HOGA1: variants seen among roughly 807,000 people sequenced by gnomAD.
HOGA1 encodes the protein 4-hydroxy-2-oxoglutarate aldolase 1, also known as 4-hydroxy-2-oxoglutarate aldolase, mitochondrial.
A neutral mutation model predicts 34.3 loss-of-function variants in HOGA1; 30 were observed. The ratio of observed to expected loss-of-function variants is 0.87; its 90% CI spans 0.65 to 1.19. The LOEUF is 1.19. Ranked by LOEUF, HOGA1 falls within the 50% of genes most tolerant of loss-of-function variation. HOGA1 has a pLI of 0.00. For missense variants in HOGA1, 417 were observed against 436.5 expected (o/e 0.96, Z 0.40); for synonymous variants, 161 against 174.0 (o/e 0.93, Z 0.59).
intron 1 of HOGA1, among the ~76,000 whole-genome samples, chr10:97,596,583 G>C (rs909629300): frequency 3.3e-5 from 5 of 152,116 alleles, no homozygotes; most frequent in African/African-American, 1.2e-4. Context: ...CAAGACACAG[G>C]GAGGCCCTTC....
chr10:97,606,128 C>CAAAA (rs60230634), intron 6 of HOGA1, among the ~76,000 whole-genome samples: 25 of 95,200 alleles, frequency 2.6e-4, no homozygotes, highest in African/African-American at 7.0e-4. Flanking sequence ...ACTAAAAATA[C>CAAAA]AAAAAAAAAA....
chr10:97,590,593 C>G, intron 1 of HOGA1: 3 of 1,601,308 alleles, frequency 1.9e-6, no homozygotes, highest in Non-Finnish European at 2.6e-6. Flanking sequence ...TGGAAGCCAC[C>G]TAACCATGGA....
At position 97,593,971 on chromosome 10, in the gene HOGA1, C is replaced by T. The variant is rs796297303; in HGVS notation, c.212-4804C>T. ...GTAACCTCTGCCTCCCGGGTTCAAG[C>T]GATTCTCCTGCCTCAGCCTCCCGAA... is the stretch of plus-strand genomic sequence containing the variant. On this transcript the variant is annotated intron_variant, in intron 1 of 6. Transcript: ENST00000370646. Among the ~76,000 whole-genome samples the T allele has an allele frequency of 2.7e-4, 41 of 152,082 alleles. 2 individuals are homozygous for T. The highest frequency in any genetic ancestry group is 1.4e-3 in the Admixed American group (22 of 15,272).
intron 6 of HOGA1, among the ~76,000 whole-genome samples, chr10:97,609,567 T>C (rs886833981): frequency 2.0e-5 from 3 of 151,980 alleles, no homozygotes; most frequent in Non-Finnish European, 4.4e-5. Flanking sequence ...CGAGAACAGC[T>C]TGATGTCACT....
chr10:97,595,770 T>C (rs1046098483), intron 1 of HOGA1, among the ~76,000 whole-genome samples: 8 of 152,238 alleles, frequency 5.3e-5, no homozygotes, highest in African/African-American at 2.4e-5. Flanking sequence ...CCTGGGCTTC[T>C]CTGACTTCAG....
intron 4 of HOGA1, 118 bp from the exon 5 acceptor site, chr10:97,599,949 C>G (rs1182499267): frequency 6.6e-7 from 1 of 1,507,452 alleles, no homozygotes; most frequent in African/African-American, 1.4e-5. Flanking sequence ...TGCGGGCTCT[C>G]TGGGACTTTC....
At chr10:97,590,362 A>G (rs2041010450) in intron 1 of HOGA1, 2 of 1,614,060 alleles carry the variant, frequency 1.2e-6, no homozygotes, top group Non-Finnish European at 1.7e-6. Flanking sequence ...ACCAGCACTC[A>G]GGTCACCTAG....
At chr10:97,609,782 C>A (rs1357308104) in intron 6 of HOGA1, among the ~76,000 whole-genome samples, 1 of 152,192 alleles carries the variant, frequency 6.6e-6, no homozygotes, top group African/African-American at 2.4e-5. Flanking sequence ...CATCCTGTAT[C>A]CTGGGTCTTT....
chr10:97,590,035 G>A (rs998788384), intron 1 of HOGA1: 2 of 1,614,052 alleles, frequency 1.2e-6, no homozygotes, highest in African/African-American at 2.7e-5. Flanking sequence ...CCGAAGAGAA[G>A]CTGGCCCTCG....
At chr10:97,608,532 C>T (rs999732724) in intron 6 of HOGA1, among the ~76,000 whole-genome samples, 2 of 151,958 alleles carry the variant, frequency 1.3e-5, no homozygotes, top group Admixed American at 6.6e-5. Flanking sequence ...TGGCTGGGCA[C>T]GGTGGCTCAC....
chr10:97,602,051 GAGC>G, intron 6 of HOGA1, 61 bp downstream of exon 6: 1 of 1,568,530 alleles, frequency 6.4e-7, no homozygotes, highest in African/African-American at 1.3e-5. Context: ...GTCCTCATTG[GAGC>G]AGGACCCAGG....
Position 97,611,900 on chromosome 10 carries a change from G to T in HOGA1, c.*241G>T. On this transcript the variant is annotated 3_prime_UTR_variant, in exon 7 of 7. Transcript: ENST00000370646. Reference sequence around the variant, plus strand: ...AACTGTGTCTCTGGTCTGAAGACTGGGAAGGAGCAATTTCTCAATTTATCT... The same window carrying T: ...AACTGTGTCTCTGGTCTGAAGACTGTGAAGGAGCAATTTCTCAATTTATCT... 1.8e-6 allele frequency: 1 copy of T among 558,544 alleles called. No individual in the cohort carries two copies. 34.6% of individuals were successfully genotyped at this position (558,544 alleles called of 1,614,324 possible).
intron 1 of HOGA1, 71 bp from the exon 2 acceptor site, chr10:97,598,704 A>G: frequency 6.3e-7 from 1 of 1,576,902 alleles, no homozygotes; most frequent in East Asian, 2.2e-5. Flanking sequence ...TGGTGTCGTA[A>G]GGTAGGAACA....
rs58601489 is a variant in HOGA1 at position 97,603,126 on chromosome 10, C to G, written c.834+1136C>G. Among the ~76,000 whole-genome samples, 2,492 of 152,212 alleles carry G rather than the reference C, an allele frequency of 0.016. 60 individuals carry two copies. Among genetic ancestry groups the G allele is most frequent in the African/African-American group, 0.056 (2,327 of 41,514 alleles). On this transcript the variant is annotated intron_variant, in intron 6 of 6. Coordinates refer to ENST00000370646, the MANE Select transcript of HOGA1 (RefSeq NM_138413.4). The surrounding 1 kb of genome is among the most constrained non-coding windows in gnomAD (Gnocchi z 4.5). ...GAGCAATTCTCCTGTCTCAGCTTCC[C>G]TAGTAGCTGGGATTACAGGCACGTG... is the stretch of plus-strand genomic sequence containing the variant.
chr10:97,591,817 TTGTGTGTGTGTGTGTG>T (rs56742680), intron 1 of HOGA1, among the ~76,000 whole-genome samples: 4 of 111,054 alleles, frequency 3.6e-5, no homozygotes, highest in South Asian at 3.2e-4. Flanking sequence ...TTCTTTCATT[TTGTGTGTGTGTGTGTG>T]TGTGTGTGTG....
In HOGA1 at chr10:97,584,669, A is replaced by T. The variant is rs1163349983; in HGVS notation, c.-35A>T. ...AGTTCAAACTAAGTCTCACTCTGGG[A>T]CATAGACCAATTGTGCTTCAGGCCT... On this transcript the variant is annotated 5_prime_UTR_variant, in exon 1 of 7. Coordinates refer to ENST00000370646, the MANE Select transcript of HOGA1 (RefSeq NM_138413.4). 1 of 1,544,970 alleles carries T rather than the reference A, an allele frequency of 6.5e-7. No homozygotes were observed. The highest frequency in any genetic ancestry group is 1.4e-5 in the African/African-American group (1 of 73,536).
chr10:97,596,400 C>T (rs1256324239), intron 1 of HOGA1, among the ~76,000 whole-genome samples: 1 of 152,146 alleles, frequency 6.6e-6, no homozygotes, highest in Admixed American at 6.5e-5. Context: ...CTGCCCCAGC[C>T]CAGGACGGCA....
At position 97,611,549 on chromosome 10, in the gene HOGA1, A is replaced by G. The variant is rs1274731805; in HGVS notation, c.874A>G (p.Met292Val). 3.7e-6 allele frequency: 6 copies of G among 1,614,128 alleles called. No individual in the cohort carries two copies. The highest frequency in any genetic ancestry group is 3.3e-5 in the South Asian group (3 of 91,090). Residue 292 changes from methionine (M) to valine (V), a missense_variant, in exon 7 of 7, where the codon ATG (methionine) becomes GTG (valine). By Grantham distance (21) the Met-to-Val change is conservative. Coordinates refer to ENST00000370646, the MANE Select transcript of HOGA1 (RefSeq NM_138413.4). Reference sequence around the variant, plus strand: ...TGGGATCCCAGGGCTGAAGAAAATCATGGACTGGTTTGGCTACTATGGAGG... The same window carrying G: ...TGGGATCCCAGGGCTGAAGAAAATCGTGGACTGGTTTGGCTACTATGGAGG... Reference protein sequence around the residue: ...RFGIPGLKKIMDWFGYYGGPC... With the variant: ...RFGIPGLKKIVDWFGYYGGPC...
intron 6 of HOGA1, among the ~76,000 whole-genome samples, chr10:97,609,887 G>A (rs375380958): frequency 8.6e-5 from 13 of 151,922 alleles, no homozygotes; most frequent in African/African-American, 2.2e-4. Flanking sequence ...CCCATTCCGA[G>A]AAAAAAAATC....
Sources: gnomAD v4.1 joint callset for allele counts (sites outside exome capture counted in the v4.1 genomes callset) on GRCh38, gnomAD v4.1.1 for gene constraint, Gnocchi (gnomAD v3.1) non-coding constraint, MANE v1.5 for transcripts, NCBI Gene and HGNC (gene_info 2026-07-23, HGNC 2026-07-21) for gene names.